Variants in STS observed in about 807,000 individuals in gnomAD.
The protein encoded by STS is steroid sulfatase.
STS carries 7 observed loss-of-function variants against 26.8 expected under a neutral mutation model. That is an observed-to-expected ratio of 0.26 (90% CI 0.15 to 0.49). STS has a LOEUF of 0.49. Ranked by LOEUF, STS falls within the 20% of genes least tolerant of loss-of-function variation. The probability of loss-of-function intolerance (pLI) is 0.98; values close to 1 mark genes in which losing one functional copy is unlikely to be tolerated. For synonymous variants in STS, 199 were observed against 189.4 expected (o/e 1.05, Z -0.42); for missense variants, 434 against 465.6 (o/e 0.93, Z 0.63).
chrX:7,293,517 G>A (rs1475612205), intron 7 of STS, among the ~76,000 whole-genome samples: 3 of 111,844 alleles, frequency 2.7e-5, no homozygotes, highest in Non-Finnish European at 5.6e-5. Flanking sequence ...AATATAGCAT[G>A]CTTTCAATGG....
At position 7,353,862 on chromosome X, in the gene STS, C is replaced by T. The variant is rs1928899046; in HGVS notation, c.*3601C>T. 1.8e-5 allele frequency: 2 copies of T among 111,800 alleles called. No homozygotes were observed. The highest frequency in any genetic ancestry group is 1.9e-4 in the Admixed American group (2 of 10,477). 9.2% of individuals were successfully genotyped at this position (111,800 alleles called of 1,213,427 possible). ...CTTCTAAAAGCTAAAGCCTTGTTGC[C>T]TTCTCTTTAATGCCTAGAGAATGGG... On this transcript the variant is annotated 3_prime_UTR_variant, in exon 11 of 11. Transcript: ENST00000674429.
At chrX:7,225,490 T>G (rs984403749) in intron 2 of STS, among the ~76,000 whole-genome samples, 21 of 111,815 alleles carry the variant, frequency 1.9e-4, no homozygotes, top group Non-Finnish European at 3.8e-4. Context: ...CCTCCAGCAG[T>G]GAGCTGTCAA....
intron 6 of STS, among the ~76,000 whole-genome samples, chrX:7,272,267 G>C (rs1344509518): frequency 9.5e-6 from 1 of 105,032 alleles, no homozygotes; most frequent in Non-Finnish European, 1.9e-5. Context: ...GGCTGGTAAA[G>C]ATGTGGACCA....
At chrX:7,305,008 T>C in intron 7 of STS, 38 bp from the exon 8 acceptor site, 3 of 1,205,232 alleles carry the variant, frequency 2.5e-6, no homozygotes, top group Non-Finnish European at 3.4e-6. Flanking sequence ...GCTTTATGAA[T>C]ATGCATTATT....
chrX:7,257,641 G>A (rs1368745738), intron 5 of STS, 53 bp downstream of exon 5: 5 of 1,198,140 alleles, frequency 4.2e-6, no homozygotes, highest in East Asian at 3.0e-5. Context: ...ATGGGAGGGA[G>A]GACTTGGACA....
intron 8 of STS, among the ~76,000 whole-genome samples, chrX:7,324,534 G>T (rs764144734): frequency 1.7e-3 from 195 of 111,471 alleles, no homozygotes; most frequent in Middle Eastern, 9.3e-3. Flanking sequence ...TATATTTTGG[G>T]GTAAACTACT....
At chrX:7,169,898 G>T (rs1255140008) in intron 1 of STS, among the ~76,000 whole-genome samples, 2 of 108,293 alleles carry the variant, frequency 1.8e-5, no homozygotes, top group Non-Finnish European at 3.8e-5. Flanking sequence ...GTTGGTGGGG[G>T]GGGCTGGGGG....
Position 7,352,967 on chromosome X carries a change from G to A in STS, c.*2706G>A, listed in dbSNP as rs1330469272. On this transcript the variant is annotated 3_prime_UTR_variant, in exon 11 of 11. Transcript: ENST00000674429. Reference sequence around the variant, plus strand: ...GAAACACACACACACAAAAAAACAAGTATTTGGCTTGTCACAGGAATCTGA... The same window carrying A: ...GAAACACACACACACAAAAAAACAAATATTTGGCTTGTCACAGGAATCTGA... 2 of 111,487 alleles carry A rather than the reference G, an allele frequency of 1.8e-5. No homozygotes were observed. The highest frequency in any genetic ancestry group is 3.8e-5 in the Non-Finnish European group (2 of 53,169). 9.2% of individuals were successfully genotyped at this position (111,487 alleles called of 1,213,427 possible).
chrX:7,267,325 T>A (rs1318182622), intron 6 of STS, among the ~76,000 whole-genome samples: 1 of 112,304 alleles, frequency 8.9e-6, no homozygotes. Context: ...ATCATTACTA[T>A]GGTAATCGAG....
At chrX:7,190,732 T>C (rs892408284) in intron 1 of STS, among the ~76,000 whole-genome samples, 148 bp from the exon 2 acceptor site, 2 of 109,202 alleles carry the variant, frequency 1.8e-5, no homozygotes, top group African/African-American at 6.7e-5. Flanking sequence ...GCCATGATCA[T>C]GCTGCTGTCT....
chrX:7,184,014 A>T (rs1411036099), intron 1 of STS, among the ~76,000 whole-genome samples: 3 of 53,642 alleles, frequency 5.6e-5, no homozygotes, highest in Non-Finnish European at 1.2e-4. Flanking sequence ...AATAAAAATA[A>T]AAAAAAAAAT....
chrX:7,339,691 T>C (rs1928193129), intron 10 of STS, among the ~76,000 whole-genome samples: 1 of 112,097 alleles, frequency 8.9e-6, no homozygotes. Flanking sequence ...ATAGAACTTT[T>C]AATTTTTTAT....
chrX:7,233,083 CT>C (rs1290539719), intron 2 of STS, among the ~76,000 whole-genome samples: 4 of 83,875 alleles, frequency 4.8e-5, no homozygotes, highest in African/African-American at 1.2e-4. Context: ...TCAGATATTT[CT>C]TTTTTTCTTT....
chrX:7,333,630 T>G (rs892588715), intron 9 of STS, among the ~76,000 whole-genome samples: 17 of 112,369 alleles, frequency 1.5e-4, no homozygotes, highest in Admixed American at 9.5e-4. Flanking sequence ...GAAAATTGTG[T>G]TTTGGAGAAG....
chrX:7,331,307 T>C (rs932583368), intron 9 of STS, among the ~76,000 whole-genome samples: 12 of 111,276 alleles, frequency 1.1e-4, no homozygotes, highest in African/African-American at 3.9e-4. Context: ...AAGGGTACCT[T>C]GCAAACAACC....
intron 7 of STS, among the ~76,000 whole-genome samples, chrX:7,278,858 T>C (rs758168138): frequency 2.4e-4 from 27 of 111,557 alleles, no homozygotes; most frequent in Admixed American, 6.7e-4. Flanking sequence ...CCCATAAAGG[T>C]TGTCAAGAAA....
At chrX:7,192,290 C>T (rs1428315199) in intron 2 of STS, among the ~76,000 whole-genome samples, 1 of 111,707 alleles carries the variant, frequency 9.0e-6, no homozygotes, top group African/African-American at 3.3e-5. Flanking sequence ...GATGCTGGGC[C>T]CGGTGGCTCA....
At chrX:7,196,834 T>A (rs1427955847) in intron 2 of STS, among the ~76,000 whole-genome samples, 2 of 111,241 alleles carry the variant, frequency 1.8e-5, no homozygotes, top group African/African-American at 3.3e-5. Context: ...TCTGCCTGTA[T>A]CCATCAAGGT....
chrX:7,185,464 T>C (rs759256209), intron 1 of STS, among the ~76,000 whole-genome samples: 2 of 113,179 alleles, frequency 1.8e-5, no homozygotes, highest in African/African-American at 3.2e-5. Flanking sequence ...TGGCCATACT[T>C]AGCTGACCCC....
Sources: allele counts gnomAD v4.1 joint callset (sites outside exome capture counted in the v4.1 genomes callset), GRCh38; gene constraint gnomAD v4.1.1; transcripts MANE v1.5; gene names NCBI Gene and HGNC (gene_info 2026-07-23, HGNC 2026-07-21).